SAMD5: variants seen among roughly 807,000 people sequenced by gnomAD.
SAMD5 encodes the protein sterile alpha motif domain containing 5.
A neutral mutation model predicts 11.3 loss-of-function variants in SAMD5; 13 were observed. The ratio of observed to expected loss-of-function variants is 1.15; its 90% confidence interval spans 0.75 to 1.83. The LOEUF is 1.83. Ranked by LOEUF, SAMD5 falls within the 40% of genes most tolerant of loss-of-function variation. The pLI is 0.00. For missense variants in SAMD5, 255 were observed against 239.1 expected (o/e 1.07, Z -0.44); for synonymous variants, 129 against 111.3 (o/e 1.16, Z -1.00).
At chr6:147,676,946 G>A (rs1023434640) in intron 1 of SAMD5, among the ~76,000 whole-genome samples, 2 of 152,074 alleles carry the variant, frequency 1.3e-5, no homozygotes, top group African/African-American at 4.8e-5. Context: ...CAGATGGTGA[G>A]GGGCCAGATA....
At chr6:147,886,718 C>T in the SAMD5 span, among the ~76,000 whole-genome samples, 1 of 152,172 alleles carries the variant, frequency 6.6e-6, no homozygotes. Flanking sequence ...TAGCTTTGCG[C>T]AGTGGCAGTA....
At chr6:147,753,188 C>T in the SAMD5 span, among the ~76,000 whole-genome samples, 9 of 152,086 alleles carry the variant, frequency 5.9e-5, no homozygotes, top group African/African-American at 2.2e-4. Flanking sequence ...TTGCTGCAGC[C>T]ATGATTTAAA....
chr6:147,935,288 A>G, the SAMD5 span, among the ~76,000 whole-genome samples: 2 of 152,152 alleles, frequency 1.3e-5, no homozygotes, highest in African/African-American at 2.4e-5. Context: ...ACATCTTCAT[A>G]GTGATATCAT....
At chr6:147,840,856 A>G in the SAMD5 span, among the ~76,000 whole-genome samples, 1 of 152,228 alleles carries the variant, frequency 6.6e-6, no homozygotes, top group Non-Finnish European at 1.5e-5. Context: ...AATCTTGGAG[A>G]TGAACAGAAG....
the SAMD5 span, among the ~76,000 whole-genome samples, chr6:147,836,677 A>G: frequency 6.0e-4 from 92 of 152,320 alleles, no homozygotes; most frequent in African/African-American, 1.9e-3. Context: ...AGTAAAGTTG[A>G]AAAAGCATTA....
At chr6:147,668,412 G>A (rs766683922) in intron 1 of SAMD5, among the ~76,000 whole-genome samples, 5 of 152,010 alleles carry the variant, frequency 3.3e-5, no homozygotes, top group Non-Finnish European at 2.9e-5. Context: ...AATTTTCAGG[G>A]TTTTTTTGTA....
chr6:147,851,340 A>G, the SAMD5 span, among the ~76,000 whole-genome samples: 1 of 152,214 alleles, frequency 6.6e-6, no homozygotes, highest in African/African-American at 2.4e-5. Flanking sequence ...AGAAGAAAAC[A>G]TAGTCTATAT....
At chr6:147,785,343 G>A in the SAMD5 span, among the ~76,000 whole-genome samples, 1 of 152,048 alleles carries the variant, frequency 6.6e-6, no homozygotes, top group Non-Finnish European at 1.5e-5. Flanking sequence ...TGATGTCCCC[G>A]ACACTGTGCT....
At chr6:147,591,929 C>G (rs1420743059) in intron 1 of SAMD5, among the ~76,000 whole-genome samples, 2 of 152,196 alleles carry the variant, frequency 1.3e-5, no homozygotes, top group East Asian at 1.9e-4. Flanking sequence ...GCTCTTCTGT[C>G]TCTAGAAGTC....
downstream of SAMD5, among the ~76,000 whole-genome samples, chr6:147,739,223 G>A (rs151250259): frequency 1.1e-3 from 164 of 152,280 alleles, 3 homozygotes; most frequent in African/African-American, 3.5e-3. Context: ...GTGACTCTGC[G>A]CTACTAAAGC....
At position 147,641,643 on chromosome 6, in the gene SAMD5, C is replaced by T. The variant is rs9373531; in HGVS notation, c.163-95674C>T. Among the ~76,000 whole-genome samples, 1,201 of 147,198 alleles carry T rather than the reference C, an allele frequency of 8.2e-3. 52 individuals carry two copies. Among genetic ancestry groups the T allele is most frequent in the Admixed American group, 0.067 (966 of 14,516 alleles). ...TCATAAGTTTTCAAAATGTCTGTAA[C>T]GAGTGTGTGTACTTTTAAATGATGA... is the stretch of plus-strand genomic sequence containing the variant. On this transcript the variant is annotated intron_variant, in intron 1 of 1. Coordinates refer to the SAMD5 transcript ENST00000566741.
At chr6:147,570,747 T>C (rs954760559), downstream of SAMD5, among the ~76,000 whole-genome samples, 1 of 152,070 alleles carries the variant, frequency 6.6e-6, no homozygotes, top group Non-Finnish European at 1.5e-5. Flanking sequence ...ATATGGTAAA[T>C]ATTAGGAGAA....
At chr6:147,702,515 G>T (rs918707718) in intron 1 of SAMD5, among the ~76,000 whole-genome samples, 2 of 152,198 alleles carry the variant, frequency 1.3e-5, no homozygotes, top group African/African-American at 2.4e-5. Context: ...TTTCTACAGA[G>T]TTAGGGATAA....
At chr6:147,621,778 T>C (rs1346947562) in intron 1 of SAMD5, among the ~76,000 whole-genome samples, 2 of 152,274 alleles carry the variant, frequency 1.3e-5, no homozygotes, top group East Asian at 3.9e-4. Flanking sequence ...GCAGGCATTT[T>C]TGGACCGTGA....
the SAMD5 span, among the ~76,000 whole-genome samples, chr6:147,843,504 A>G: frequency 6.6e-6 from 1 of 152,324 alleles, no homozygotes; most frequent in African/African-American, 2.4e-5. Context: ...CCAAAAATTT[A>G]TATAGAACCA....
At chr6:147,792,134 A>T in the SAMD5 span, among the ~76,000 whole-genome samples, 1 of 152,198 alleles carries the variant, frequency 6.6e-6, no homozygotes, top group African/African-American at 2.4e-5. Flanking sequence ...ATTTATTATA[A>T]ATTTATGAAA....
intron 1 of SAMD5, among the ~76,000 whole-genome samples, chr6:147,631,811 C>T (rs1277949010): frequency 1.3e-5 from 2 of 151,952 alleles, no homozygotes; most frequent in African/African-American, 2.4e-5. Flanking sequence ...GGGGCCTGAA[C>T]GATCCCTGAA....
chr6:147,929,137 T>G, the SAMD5 span, among the ~76,000 whole-genome samples: 1 of 152,204 alleles, frequency 6.6e-6, no homozygotes, highest in Non-Finnish European at 1.5e-5. Context: ...AGAACCACAC[T>G]GTCCTGGTTC....
At chr6:147,800,570 G>T in the SAMD5 span, among the ~76,000 whole-genome samples, 4 of 152,240 alleles carry the variant, frequency 2.6e-5, no homozygotes, top group African/African-American at 9.6e-5. Flanking sequence ...AGGCAGGCAG[G>T]CCTCCTTGAG....
Sources: allele counts gnomAD v4.1 joint callset (sites outside exome capture counted in the v4.1 genomes callset), GRCh38; gene constraint gnomAD v4.1.1; transcripts MANE v1.5; gene names NCBI Gene and HGNC (gene_info 2026-07-23, HGNC 2026-07-21).